Variants in CATSPERB observed in about 807,000 individuals in gnomAD.
CATSPERB encodes cation channel sperm-associated auxiliary subunit beta.
A neutral mutation model predicts 128.3 loss-of-function variants in CATSPERB; 93 were observed. The observed-to-expected ratio is 0.72, with a 90% CI of 0.61 to 0.86. The LOEUF (loss-of-function observed/expected upper bound fraction) is 0.86. CATSPERB is among the 40% of genes least tolerant of loss of function. The pLI is 0.00. For missense variants in CATSPERB, 1,153 were observed against 1,329.5 expected (o/e 0.87, Z 2.06); for synonymous variants, 381 against 448.8 (o/e 0.85, Z 1.91).
At chr14:91,637,520 GA>G (rs1281811580) in intron 16 of CATSPERB, among the ~76,000 whole-genome samples, 3 of 152,180 alleles carry the variant, frequency 2.0e-5, no homozygotes, top group Non-Finnish European at 2.9e-5. Flanking sequence ...CAAGTCCAAT[GA>G]AAGGCAGCAG....
chr14:91,707,660 G>T (rs151293021), intron 6 of CATSPERB, among the ~76,000 whole-genome samples: 1 of 124,596 alleles, frequency 8.0e-6, no homozygotes, highest in Non-Finnish European at 1.6e-5. Flanking sequence ...ATACAATGGT[G>T]CAATCCTGGC....
intron 20 of CATSPERB, among the ~76,000 whole-genome samples, chr14:91,613,738 G>A (rs925733892): frequency 6.6e-6 from 1 of 152,122 alleles, no homozygotes. Flanking sequence ...AGATAACTGT[G>A]GTAGGGACTC....
intron 5 of CATSPERB, 77 bp downstream of exon 5, chr14:91,719,341 A>T (rs1434730264): frequency 2.9e-6 from 3 of 1,039,260 alleles, no homozygotes; most frequent in Non-Finnish European, 4.2e-6. Flanking sequence ...CACTTTTAAG[A>T]TAATAAATTC....
chr14:91,722,136 T>G (rs1327944362), intron 4 of CATSPERB, among the ~76,000 whole-genome samples: 1 of 152,184 alleles, frequency 6.6e-6, no homozygotes, highest in Non-Finnish European at 1.5e-5. Context: ...TGGCATTTTC[T>G]CAAAAGGTCA....
At chr14:91,693,529 G>C in intron 7 of CATSPERB, 50 bp from the exon 8 acceptor site, 1 of 1,384,620 alleles carries the variant, frequency 7.2e-7, no homozygotes, top group Non-Finnish European at 1.0e-6. Flanking sequence ...TACAAGGTGA[G>C]TCACCTTCAG....
At position 91,679,050 on chromosome 14, in the gene CATSPERB, C is replaced by A. The variant is rs144690542; in HGVS notation, c.931+4827G>T. Among the ~76,000 whole-genome samples the A allele has an allele frequency of 6.6e-5, 10 of 152,028 alleles. 1 individual carries two copies. Among genetic ancestry groups the A allele is most frequent in the Non-Finnish European group, 1.5e-4 (10 of 67,986 alleles). Reference sequence around the variant, plus strand: ...GATTAAAAATGAAAAAATCAAGTTACGTGTAAATGGGGTAAATGCTTGCAG... The same window carrying A: ...GATTAAAAATGAAAAAATCAAGTTAAGTGTAAATGGGGTAAATGCTTGCAG... On this transcript the variant is annotated intron_variant, in intron 11 of 26. Transcript: ENST00000256343.
At chr14:91,590,676 AG>A (rs1412984159) in intron 23 of CATSPERB, among the ~76,000 whole-genome samples, 1 of 151,300 alleles carries the variant, frequency 6.6e-6, no homozygotes, top group Non-Finnish European at 1.5e-5. Context: ...TTTTTGAGAT[AG>A]AGTCTTGCTC....
At chr14:91,639,042 T>C (rs564680252) in intron 16 of CATSPERB, 54 bp downstream of exon 16, 9 of 1,427,098 alleles carry the variant, frequency 6.3e-6, no homozygotes, top group Middle Eastern at 1.8e-4. Context: ...ATGTATTGAA[T>C]GTGGCATCTA....
rs1189518873 is a variant in CATSPERB, at chr14:91,621,931, T to A, written c.1937A>T (p.Gln646Leu). The A allele has an allele frequency of 1.9e-6, 3 of 1,583,954 alleles. No individual in the cohort carries two copies. Among genetic ancestry groups the A allele is most frequent in the Non-Finnish European group, 2.6e-6 (3 of 1,165,928 alleles). ...YKLTLDSQVVQALFEDTDIEK... is the reference protein window; with the variant it reads ...YKLTLDSQVVLALFEDTDIEK... ...TATATCTGTATCTTCAAACAAGGCC[T>A]GAACAACTGGAGATTAAACAGAAGA... Residue 646 changes from glutamine (Q) to leucine (L), a missense_variant, in exon 19 of 27, where the codon CAG becomes CTG. By Grantham distance (113) the Gln-to-Leu change is moderately radical (BLOSUM62 -2). Coordinates refer to ENST00000256343, the MANE Select transcript of CATSPERB (RefSeq NM_024764.4).
At chr14:91,608,857 G>A (rs973178294) in intron 21 of CATSPERB, among the ~76,000 whole-genome samples, 2 of 152,130 alleles carry the variant, frequency 1.3e-5, no homozygotes, top group Admixed American at 1.3e-4. Context: ...GTTGACCCTT[G>A]AACAACACAG....
chr14:91,605,274 C>T (rs1009960447), intron 22 of CATSPERB: 15 of 1,138,512 alleles, frequency 1.3e-5, no homozygotes, highest in South Asian at 5.0e-5. Context: ...CAGACGGATG[C>T]GTTGGAGCAA....
intron 16 of CATSPERB, among the ~76,000 whole-genome samples, chr14:91,638,474 T>TCAG (rs1894421946): frequency 6.6e-6 from 1 of 151,954 alleles, no homozygotes; most frequent in South Asian, 2.1e-4. Flanking sequence ...ACAGCTCACT[T>TCAG]CAGCAGCGTG....
intron 26 of CATSPERB, among the ~76,000 whole-genome samples, chr14:91,584,322 G>T (rs34236066): frequency 0.07 from 10,612 of 152,174 alleles, 873 homozygotes; most frequent in East Asian, 0.41. Context: ...ACCCATGTCG[G>T]CCTCCCAAAG....
intron 18 of CATSPERB, among the ~76,000 whole-genome samples, chr14:91,624,589 C>T (rs1418209066): frequency 4.6e-5 from 7 of 150,556 alleles, no homozygotes; most frequent in Admixed American, 2.0e-4. Flanking sequence ...TGCGGTGAGT[C>T]GAGATCGCGT....
At chr14:91,728,010 C>T (rs1217806094) in intron 2 of CATSPERB, among the ~76,000 whole-genome samples, 2 of 152,146 alleles carry the variant, frequency 1.3e-5, no homozygotes, top group African/African-American at 4.8e-5. Flanking sequence ...TTTCAGTCTC[C>T]CCTGCAGACA....
At chr14:91,593,149 G>A (rs1441889725) in intron 22 of CATSPERB, among the ~76,000 whole-genome samples, 3 of 152,244 alleles carry the variant, frequency 2.0e-5, no homozygotes, top group African/African-American at 4.8e-5. Context: ...GGATGCCCAG[G>A]CAAAAGTTTT....
intron 11 of CATSPERB, among the ~76,000 whole-genome samples, chr14:91,680,667 GA>G (rs1895264868): frequency 6.6e-6 from 1 of 151,674 alleles, no homozygotes; most frequent in Non-Finnish European, 1.5e-5. Flanking sequence ...GGGCATGACA[GA>G]CCTGGGAAAG....
rs540787662 is a variant in CATSPERB at position 91,611,626 on chromosome 14, A to T, written c.2401-949T>A. 5.3e-5 allele frequency among the ~76,000 whole-genome samples: 8 copies of T among 152,258 alleles called. No individual in the cohort carries two copies. In the East Asian group the frequency reaches 1.5e-3, roughly 29 times the overall value. On this transcript the variant is annotated intron_variant, in intron 20 of 26. Transcript: ENST00000256343. ...CGTCTCAAAAACAAACAAACAAACAAAAAAACCAAAACCAAAAACAAAACC... is the reference window on the plus strand; with the variant it reads ...CGTCTCAAAAACAAACAAACAAACATAAAAACCAAAACCAAAAACAAAACC...
intron 14 of CATSPERB, among the ~76,000 whole-genome samples, chr14:91,660,649 T>C (rs1365674476): frequency 1.4e-5 from 2 of 144,962 alleles, no homozygotes; most frequent in African/African-American, 5.2e-5. Context: ...AGATTTCTGT[T>C]GTTTGGATTT....
Sources: gnomAD v4.1 joint callset for allele counts (sites outside exome capture counted in the v4.1 genomes callset) on GRCh38, gnomAD v4.1.1 for gene constraint, MANE v1.5 for transcripts, NCBI Gene and HGNC (gene_info 2026-07-23, HGNC 2026-07-21) for gene names.